Variants in RERE observed in about 807,000 individuals in gnomAD.
RERE encodes the protein arginine-glutamic acid dipeptide repeats protein.
In RERE, 40 loss-of-function variants were observed where a neutral mutation model predicts 146.1. That is an observed-to-expected ratio of 0.27 (90% CI 0.21 to 0.36). RERE has a LOEUF of 0.36. RERE is among the 10% of genes least tolerant of loss of function. The pLI, the probability that RERE is intolerant of heterozygous loss-of-function variation, is 1.00. For synonymous variants in RERE, 1,003 were observed against 866.0 expected (o/e 1.16, Z -2.78); for missense variants, 1,933 against 2,138.7 (o/e 0.90, Z 1.90).
At chr1:8,709,697 T>A (rs147364263) in intron 1 of RERE, among the ~76,000 whole-genome samples, 2 of 152,282 alleles carry the variant, frequency 1.3e-5, no homozygotes, top group East Asian at 3.9e-4. Context: ...AACTGAACAG[T>A]GTGGGAGTCC....
At chr1:8,386,006 ATATATATATATATATATTTTTTTTTTTT>A (rs1208015870) in intron 12 of RERE, among the ~76,000 whole-genome samples, 2 of 38,262 alleles carry the variant, frequency 5.2e-5, no homozygotes, top group African/African-American at 1.1e-4. Flanking sequence ...ATATATATAT[ATATATATATATATATATTTTTTTTTTTT>A]TTTTTTTTTT....
At chr1:8,780,634 T>C (rs1029740556) in intron 1 of RERE, among the ~76,000 whole-genome samples, 4 of 152,052 alleles carry the variant, frequency 2.6e-5, no homozygotes, top group Admixed American at 6.5e-5. Context: ...CCGCTGGAAA[T>C]AGAAAAAGTA....
intron 10 of RERE, among the ~76,000 whole-genome samples, chr1:8,494,242 T>A (rs1055496566): frequency 6.6e-6 from 1 of 152,210 alleles, no homozygotes; most frequent in Non-Finnish European, 1.5e-5. Context: ...AAGTATACTT[T>A]ATAAAAAACA....
Position 8,782,116 on chromosome 1 carries a change from A to C in RERE, c.-145+35044T>G, listed in dbSNP as rs78411328. Among the ~76,000 whole-genome samples the C allele has an allele frequency of 4.9e-3, 743 of 151,974 alleles. 4 individuals carry two copies. The highest frequency in any genetic ancestry group is 0.017 in the African/African-American group (714 of 41,448). On this transcript the variant is annotated intron_variant, in intron 1 of 22. Transcript: ENST00000400908. ...TCTCCTTTCATTCTCTCTTAAACCC[A>C]CTCCAATAAGAATGATGAAACAAAC...
chr1:8,371,638 G>GC (rs1427453756), intron 12 of RERE, among the ~76,000 whole-genome samples: 1 of 152,182 alleles, frequency 6.6e-6, no homozygotes, highest in Non-Finnish European at 1.5e-5. Context: ...CTTTATTTCT[G>GC]CCCCCTCCAG....
intron 1 of RERE, among the ~76,000 whole-genome samples, chr1:8,700,242 C>A (rs903512650): frequency 5.9e-5 from 9 of 151,982 alleles, no homozygotes; most frequent in South Asian, 4.2e-4. Flanking sequence ...GAGACGGAGG[C>A]TGCAGTGAGC....
intron 1 of RERE, among the ~76,000 whole-genome samples, chr1:8,706,113 C>CAAAAAAAA (rs61016240): frequency 4.3e-5 from 3 of 69,190 alleles, no homozygotes; most frequent in East Asian, 8.6e-4. Context: ...ACTCCGTCTC[C>CAAAAAAAA]AAAAAAAAAA....
chr1:8,496,032 G>A (rs1431086148), intron 9 of RERE, among the ~76,000 whole-genome samples: 2 of 151,834 alleles, frequency 1.3e-5, no homozygotes, highest in African/African-American at 4.8e-5. Flanking sequence ...GTATGGTGGT[G>A]CATGCCTGTA....
intron 12 of RERE, among the ~76,000 whole-genome samples, chr1:8,381,459 A>G (rs1642455434): frequency 2.6e-5 from 4 of 152,262 alleles, no homozygotes; most frequent in Admixed American, 2.6e-4. Flanking sequence ...ACTAACAGTC[A>G]TAAAAGTGAA....
intron 1 of RERE, among the ~76,000 whole-genome samples, chr1:8,760,215 C>T (rs887977352): frequency 7.2e-5 from 11 of 152,208 alleles, no homozygotes; most frequent in African/African-American, 2.2e-4. Flanking sequence ...TCAGTAGAGA[C>T]GGGGTTTCAT....
At chr1:8,453,662 C>T (rs892088474) in intron 11 of RERE, among the ~76,000 whole-genome samples, 2 of 151,968 alleles carry the variant, frequency 1.3e-5, no homozygotes, top group Non-Finnish European at 2.9e-5. Context: ...AAAAATTAGC[C>T]GGGTGTGGTG....
At chr1:8,374,724 T>C (rs1001274927) in intron 12 of RERE, among the ~76,000 whole-genome samples, 1 of 152,254 alleles carries the variant, frequency 6.6e-6, no homozygotes, top group Non-Finnish European at 1.5e-5. Context: ...CTTCTGAGAC[T>C]TTCTCTGTGT....
At chr1:8,757,909 CAT>C (rs749652648) in intron 1 of RERE, among the ~76,000 whole-genome samples, 1 of 121,304 alleles carries the variant, frequency 8.2e-6, no homozygotes, top group South Asian at 2.8e-4. Flanking sequence ...CACACACATA[CAT>C]ACACACACAC....
At chr1:8,564,982 G>A (rs910890338) in intron 4 of RERE, among the ~76,000 whole-genome samples, 4 of 151,994 alleles carry the variant, frequency 2.6e-5, no homozygotes, top group Admixed American at 6.6e-5. Flanking sequence ...GCCAGGAATT[G>A]AAAGACAAAT....
In RERE at chr1:8,656,368, T is replaced by G; in HGVS notation, c.-71A>C. 6.6e-7 allele frequency: 1 copy of G among 1,512,304 alleles called. No individual in the cohort carries two copies. 93.7% of individuals were successfully genotyped at this position (1,512,304 alleles called of 1,614,324 possible). A position where few individuals can be genotyped will look rare whatever the true frequency, so the allele number is the denominator to read the frequency against. On this transcript the variant is annotated 5_prime_UTR_variant, in exon 2 of 23. Coordinates refer to ENST00000400908, the MANE Select transcript of RERE (RefSeq NM_001042681.2). ...TGAAAGGTAGACAGTAAGCCTGGGC[T>G]TCAGTCTTCTGAATTTCTCACTCAA...
intron 1 of RERE, among the ~76,000 whole-genome samples, chr1:8,806,614 G>A (rs961844565): frequency 2.0e-5 from 3 of 152,052 alleles, no homozygotes; most frequent in Non-Finnish European, 2.9e-5. Context: ...AATACCATAC[G>A]TTAATATTAT....
In RERE at chr1:8,358,732, G is replaced by T. The variant is rs1641415262; in HGVS notation, c.3803C>A (p.Thr1268Asn). The T allele has an allele frequency of 6.2e-7, 1 of 1,607,760 alleles. No individual in the cohort carries two copies. Among genetic ancestry groups the T allele is most frequent in the Middle Eastern group, 1.7e-4 (1 of 6,016 alleles). ...CATGTAGAAGGGGTGGTTGCGGTTG[G>T]TGGGCGACATGACGTGGGGCCGGGC... ...EYARPHVMSP[T>N]NRNHPFYMPL... Residue 1268 changes from threonine (T) to asparagine (N), a missense_variant, in exon 20 of 23, where the codon ACC (threonine) becomes AAC (asparagine). Transcript: ENST00000400908.
chr1:8,733,089 G>A (rs1640125408), intron 1 of RERE, among the ~76,000 whole-genome samples: 1 of 151,970 alleles, frequency 6.6e-6, no homozygotes, highest in South Asian at 2.1e-4. Context: ...CCAAAGTGCT[G>A]GGATTACAGG....
At chr1:8,731,450 G>C (rs891442445) in intron 1 of RERE, among the ~76,000 whole-genome samples, 1 of 152,082 alleles carries the variant, frequency 6.6e-6, no homozygotes, top group Non-Finnish European at 1.5e-5. Flanking sequence ...TCACAGAAGG[G>C]GTGAGGGGAG....
Sources: gnomAD v4.1 joint callset for allele counts (sites outside exome capture counted in the v4.1 genomes callset) on GRCh38, gnomAD v4.1.1 for gene constraint, MANE v1.5 for transcripts, NCBI Gene and HGNC (gene_info 2026-07-23, HGNC 2026-07-21) for gene names.